Variants in TBC1D16 observed in about 807,000 individuals in gnomAD.
TBC1D16 encodes CTD-2529O21.1.
A neutral mutation model predicts 74.7 loss-of-function variants in TBC1D16; 58 were observed. The observed-to-expected ratio is 0.78, with a 90% CI of 0.63 to 0.97. The LOEUF (loss-of-function observed/expected upper bound fraction) is 0.97, where lower values mean the gene tolerates loss of function less well. Among genes scored for constraint, TBC1D16 ranks in the 50% least tolerant of loss-of-function variants. The probability of loss-of-function intolerance (pLI) is 0.00; values close to 1 mark genes in which losing one functional copy is unlikely to be tolerated. For synonymous variants in TBC1D16, 493 were observed against 474.7 expected (o/e 1.04, Z -0.50); for missense variants, 1,014 against 1,079.5 (o/e 0.94, Z 0.85).
intron 1 of TBC1D16, among the ~76,000 whole-genome samples, chr17:80,017,635 C>T (rs994170102): frequency 1.4e-5 from 2 of 143,556 alleles, no homozygotes; most frequent in Non-Finnish European, 3.0e-5. Flanking sequence ...GAGCCTAGAT[C>T]GCTCCATTGC....
In TBC1D16 at chr17:79,944,870, G is replaced by A. The variant is rs2032374239; in HGVS notation, c.1908+38C>T. ...TGGCCACGGTGGTTCAGGGGCCATG[G>A]TCCCAACCTCCCCAGCCCTGGCCCC... On this transcript the variant is annotated intron_variant, in intron 10 of 11. Coordinates refer to ENST00000310924, the MANE Select transcript of TBC1D16 (RefSeq NM_019020.4). The surrounding 1 kb of genome is among the most constrained non-coding windows in gnomAD (Gnocchi z 7.7). 5 of 1,524,352 alleles carry A rather than the reference G, an allele frequency of 3.3e-6. No individual in the cohort carries two copies. Among genetic ancestry groups the A allele is most frequent in the Non-Finnish European group, 3.5e-6 (4 of 1,134,158 alleles). 94.4% of individuals were successfully genotyped at this position (1,524,352 alleles called of 1,614,324 possible). A position where few individuals can be genotyped will look rare whatever the true frequency, so the allele number is the denominator to read the frequency against.
At position 80,020,696 on chromosome 17, in the gene TBC1D16, A is replaced by G. The variant is rs1165598804; in HGVS notation, c.-62-7087T>C. On this transcript the variant is annotated intron_variant, in intron 1 of 11. Transcript: ENST00000310924. ...TCCAACTAGTGGCTACTGAAATAATAAACTCCACATTTTAATACATAAATC... is the reference window on the plus strand; with the variant it reads ...TCCAACTAGTGGCTACTGAAATAATGAACTCCACATTTTAATACATAAATC... Among the ~76,000 whole-genome samples the G allele has an allele frequency of 1.3e-5, 2 of 150,172 alleles. 1 individual carries two copies. The highest frequency in any genetic ancestry group is 5.1e-5 in the African/African-American group (2 of 39,522).
At chr17:80,018,775 AT>A (rs1329650424) in intron 1 of TBC1D16, among the ~76,000 whole-genome samples, 1 of 148,708 alleles carries the variant, frequency 6.7e-6, no homozygotes, top group African/African-American at 2.6e-5. Context: ...TAATTTTTTT[AT>A]TTTTTGTAGA....
In TBC1D16 at chr17:79,945,746, A is replaced by G. The variant is rs552050656; in HGVS notation, c.1729-659T>C. ...CCGTCAGAGGCGAATGGCGTTGGAC[A>G]CTGTAACTGCCTCCCCAAGCAATGT... On this transcript the variant is annotated intron_variant, in intron 9 of 11. Coordinates refer to ENST00000310924, the MANE Select transcript of TBC1D16 (RefSeq NM_019020.4). 7.1e-4 allele frequency among the ~76,000 whole-genome samples: 108 copies of G among 152,364 alleles called. 1 individual carries two copies. The highest frequency in any genetic ancestry group is 6.8e-3 in the Middle Eastern group (2 of 294).
chr17:80,030,391 C>T (rs895924073), intron 1 of TBC1D16, among the ~76,000 whole-genome samples: 2 of 152,094 alleles, frequency 1.3e-5, no homozygotes, highest in Non-Finnish European at 2.9e-5. Context: ...GTGAGGGCAG[C>T]GAGAATGGAC....
At chr17:79,969,212 C>A (rs1402525279) in intron 3 of TBC1D16, among the ~76,000 whole-genome samples, 1 of 151,940 alleles carries the variant, frequency 6.6e-6, no homozygotes, top group Non-Finnish European at 1.5e-5. Context: ...CATGGTGAAA[C>A]CCCATCTCTC....
At chr17:79,976,306 G>C (rs1006916958) in intron 3 of TBC1D16, among the ~76,000 whole-genome samples, 1 of 152,194 alleles carries the variant, frequency 6.6e-6, no homozygotes, top group Admixed American at 6.5e-5. Flanking sequence ...AAGGGAAAAT[G>C]GCTCTTTAGC....
At chr17:80,005,158 C>T (rs2035627576) in intron 3 of TBC1D16, among the ~76,000 whole-genome samples, 1 of 152,248 alleles carries the variant, frequency 6.6e-6, no homozygotes, top group African/African-American at 2.4e-5. Flanking sequence ...TGGCTCACTG[C>T]AGCCTCCACC....
chr17:79,982,181 C>G (rs1239003174), intron 3 of TBC1D16, among the ~76,000 whole-genome samples: 1 of 147,438 alleles, frequency 6.8e-6, no homozygotes, highest in Non-Finnish European at 1.5e-5. Flanking sequence ...GAGTCTCACT[C>G]TATCACCCAG....
chr17:79,971,275 G>A lies in TBC1D16; in HGVS notation c.780-18457C>T, dbSNP rs545530015. Among the ~76,000 whole-genome samples, 8 of 152,190 alleles carry A rather than the reference G, an allele frequency of 5.3e-5. No homozygotes were observed. Among genetic ancestry groups the A allele is most frequent in the East Asian group, 1.9e-4 (1 of 5,172 alleles). Reference sequence around the variant, plus strand: ...TGGCCTCAGGTGATCCACCCACTTCGGCCTCCCAAAGTGCTGGCATTACAG... The same window carrying A: ...TGGCCTCAGGTGATCCACCCACTTCAGCCTCCCAAAGTGCTGGCATTACAG... On this transcript the variant is annotated intron_variant, in intron 3 of 11. Transcript: ENST00000310924. The surrounding 1 kb of genome is among the most constrained non-coding windows in gnomAD (Gnocchi z 4.6).
In TBC1D16 at chr17:80,013,434, G is replaced by A; in HGVS notation, c.114C>T (p.Ile38=). 1.2e-6 allele frequency: 2 copies of A among 1,606,924 alleles called. No homozygotes were observed. The highest frequency in any genetic ancestry group is 2.2e-5 in the South Asian group (2 of 89,666). The change falls in exon 2 of 12, where the codon ATC becomes ATT. Residue 38 remains isoleucine, a synonymous_variant. Coordinates refer to ENST00000310924, the MANE Select transcript of TBC1D16 (RefSeq NM_019020.4). ...GCACGCAGACATTGTTCTTGGAGTA[G>A]ATGATCTCTCCATCCAGGACAGAGG... ...GSPSVLDGEI[I]YSKNNVCVHP...
rs543786079 is a variant in TBC1D16 at position 79,942,063 on chromosome 17, C to T, written c.2052G>A (p.Arg684=). The T allele has an allele frequency of 1.9e-6, 3 of 1,610,268 alleles. No homozygotes were observed. The highest frequency in any genetic ancestry group is 2.5e-6 in the Non-Finnish European group (3 of 1,179,262). Residue 684 remains arginine (R), a synonymous_variant, in exon 11 of 12, where the codon CGG becomes CGA. Coordinates refer to ENST00000310924, the MANE Select transcript of TBC1D16 (RefSeq NM_019020.4). ...CCCACATCTGGGGCAGCCTCACCTT[C>T]CGGAGAACGAGCTCCCCGTTCATGT... ...AMHMNGELVL[R]KARSLLYQFR...
intron 3 of TBC1D16, among the ~76,000 whole-genome samples, chr17:79,974,448 G>A (rs1254648217): frequency 1.3e-5 from 2 of 152,062 alleles, no homozygotes; most frequent in African/African-American, 2.4e-5. Flanking sequence ...ATGCTGCCCA[G>A]GCTGGTCTCG....
intron 3 of TBC1D16, among the ~76,000 whole-genome samples, chr17:79,998,779 C>A (rs1310087224): frequency 6.6e-6 from 1 of 152,188 alleles, no homozygotes; most frequent in African/African-American, 2.4e-5. Flanking sequence ...CATCCACCCA[C>A]CACCACAGGG....
chr17:80,025,957 A>T (rs1371692714), intron 1 of TBC1D16: 14 of 149,726 alleles, frequency 9.4e-5, no homozygotes, highest in Admixed American at 9.2e-4. Flanking sequence ...TTTTCTGTAA[A>T]CCTAAAACTG....
intron 3 of TBC1D16, among the ~76,000 whole-genome samples, chr17:79,969,959 A>G (rs1421028513): frequency 6.6e-6 from 1 of 152,204 alleles, no homozygotes; most frequent in Non-Finnish European, 1.5e-5. Flanking sequence ...AGAAAAGAAA[A>G]GAAAATAGAT....
chr17:79,998,209 T>C (rs938148652), intron 3 of TBC1D16, among the ~76,000 whole-genome samples: 2 of 151,532 alleles, frequency 1.3e-5, no homozygotes, highest in African/African-American at 4.8e-5. Flanking sequence ...ATCTGCCCAT[T>C]TATCTTTTTC....
At chr17:80,022,182 G>C (rs2036309539) in intron 1 of TBC1D16, among the ~76,000 whole-genome samples, 1 of 149,728 alleles carries the variant, frequency 6.7e-6, no homozygotes, top group Non-Finnish European at 1.5e-5. Context: ...ATATTTACCT[G>C]AAAGGGACTC....
At chr17:79,969,883 A>G (rs2034006118) in intron 3 of TBC1D16, among the ~76,000 whole-genome samples, 1 of 152,244 alleles carries the variant, frequency 6.6e-6, no homozygotes, top group South Asian at 2.1e-4. Context: ...CGGAGGTTGC[A>G]GTGAGCCGAG....
Sources: allele counts gnomAD v4.1 joint callset (sites outside exome capture counted in the v4.1 genomes callset), GRCh38; gene constraint gnomAD v4.1.1; non-coding constraint Gnocchi (gnomAD v3.1); transcripts MANE v1.5; gene names NCBI Gene and HGNC (gene_info 2026-07-23, HGNC 2026-07-21).